The following MED13L variants were observed in gnomAD, a reference collection of about 807,000 sequenced individuals.
The protein encoded by MED13L is mediator of RNA polymerase II transcription subunit 13-like.
In MED13L, 7 loss-of-function variants were observed where a neutral mutation model predicts 220.9. The observed-to-expected ratio is 0.03, with a 90% confidence interval of 0.02 to 0.06. The LOEUF (loss-of-function observed/expected upper bound fraction) is 0.06, where lower values mean the gene tolerates loss of function less well. Ranked by LOEUF, MED13L falls within the 10% of genes least tolerant of loss-of-function variation. MED13L has a pLI of 1.00. For synonymous variants in MED13L, 1,011 were observed against 1,015.2 expected, an observed-to-expected ratio of 1.00 and a Z score of 0.08; for missense variants, 1,965 against 2,760.5, an observed-to-expected ratio of 0.71 and a Z score of 6.46.
intron 2 of MED13L, among the ~76,000 whole-genome samples, chr12:116,180,953 T>C (rs1398872756): frequency 6.9e-6 from 1 of 144,068 alleles, no homozygotes; most frequent in Non-Finnish European, 1.5e-5. Flanking sequence ...TTTTTTGAAA[T>C]GCAGTCTTGC....
At chr12:116,269,655 A>AAAAAC (rs1029132361) in intron 1 of MED13L, among the ~76,000 whole-genome samples, 2 of 152,164 alleles carry the variant, frequency 1.3e-5, no homozygotes, top group African/African-American at 4.8e-5. Context: ...AGACTGTCTC[A>AAAAAC]AAAACAAAAC....
At chr12:116,263,917 A>T (rs2138566852) in intron 1 of MED13L, among the ~76,000 whole-genome samples, 1 of 152,300 alleles carries the variant, frequency 6.6e-6, no homozygotes. Flanking sequence ...AAGCTGTATG[A>T]AAACAAAGTA....
chr12:115,965,983 A>C, intron 29 of MED13L, 99 bp downstream of exon 29: 5 of 1,412,690 alleles, frequency 3.5e-6, no homozygotes. Flanking sequence ...AAGGAACAGA[A>C]TAAGATTATG....
chr12:116,192,859 G>A (rs1043263375), intron 2 of MED13L, among the ~76,000 whole-genome samples: 23 of 151,876 alleles, frequency 1.5e-4, no homozygotes, highest in African/African-American at 5.1e-4. Context: ...TGGGCCGGGC[G>A]CCATGGCTCA....
chr12:116,191,371 C>T (rs1315156041), intron 2 of MED13L, among the ~76,000 whole-genome samples: 1 of 152,102 alleles, frequency 6.6e-6, no homozygotes, highest in Non-Finnish European at 1.5e-5. Flanking sequence ...CACTCTGTCA[C>T]CCAGGCTGGA....
Position 115,987,257 on chromosome 12 carries a change from A to G in MED13L, c.3966T>C (p.Asp1322=). ...VLDISMLSSQ[D]VVRMLLSLQP... ...GCAGGGACAACAGCATACGAACCACATCCTGGGAGGAGAGCATGCTGATGT... is the reference window on the plus strand; with the variant it reads ...GCAGGGACAACAGCATACGAACCACGTCCTGGGAGGAGAGCATGCTGATGT... Residue 1322 remains aspartate, a synonymous_variant, in exon 18 of 31, where the codon GAT becomes GAC. Coordinates refer to ENST00000281928, the MANE Select transcript of MED13L (RefSeq NM_015335.5). The G allele has an allele frequency of 6.2e-7, 1 of 1,613,582 alleles. No homozygotes were observed. Among genetic ancestry groups the G allele is most frequent in the Non-Finnish European group, 8.5e-7 (1 of 1,180,002 alleles).
At chr12:116,247,302 T>C (rs1871182792) in intron 1 of MED13L, among the ~76,000 whole-genome samples, 1 of 152,082 alleles carries the variant, frequency 6.6e-6, no homozygotes, top group Admixed American at 6.5e-5. Context: ...AAGCTACTAA[T>C]ATTGAGAACT....
chr12:116,052,768 G>T (rs765391165), intron 4 of MED13L, among the ~76,000 whole-genome samples: 1 of 152,210 alleles, frequency 6.6e-6, no homozygotes, highest in Non-Finnish European at 1.5e-5. Flanking sequence ...ACTGGGAAGA[G>T]GAAGCAGGGG....
At chr12:116,259,640 T>C (rs1872348098) in intron 1 of MED13L, among the ~76,000 whole-genome samples, 1 of 152,232 alleles carries the variant, frequency 6.6e-6, no homozygotes, top group South Asian at 2.1e-4. Context: ...CATTGTACCA[T>C]GAATCTTTCT....
rs34196219 is a variant in MED13L at position 116,165,259 on chromosome 12, CTTTTTTTTTTTTTT to C, written c.311-53761_311-53748del. Reference sequence around the variant, plus strand: ...TTAAGGCAATGAAGTAGGCACCATCCTTTTTTTTTTTTTTTTTTTTTTTTTTTTGACTACTAGAC... The same window carrying C: ...TTAAGGCAATGAAGTAGGCACCATCCTTTTTTTTTTTTTTGACTACTAGAC... On this transcript the variant is annotated intron_variant, in intron 2 of 30. Coordinates refer to ENST00000281928, the MANE Select transcript of MED13L (RefSeq NM_015335.5). 2.6e-3 allele frequency among the ~76,000 whole-genome samples: 196 copies of C among 74,508 alleles called. 2 individuals are homozygous for C. Among genetic ancestry groups the C allele is most frequent in the African/African-American group, 0.011 (182 of 16,956 alleles). The allele number at this position is 74,508 out of a possible 152,430, so 48.9% of individuals were successfully genotyped here. A position where few individuals can be genotyped will look rare whatever the true frequency, so the allele number is the denominator to read the frequency against.
At chr12:116,059,160 C>G (rs1449985336) in intron 4 of MED13L, among the ~76,000 whole-genome samples, 1 of 152,146 alleles carries the variant, frequency 6.6e-6, no homozygotes, top group Non-Finnish European at 1.5e-5. Flanking sequence ...CTCAACTTCC[C>G]AGACTCAAGC....
At position 116,226,571 on chromosome 12, in the gene MED13L, A is replaced by G. The variant is rs568289456; in HGVS notation, c.310+10897T>C. Among the ~76,000 whole-genome samples, 146 of 152,330 alleles carry G rather than the reference A, an allele frequency of 9.6e-4. 1 individual carries two copies. Among genetic ancestry groups the G allele is most frequent in the African/African-American group, 3.4e-3 (143 of 41,582 alleles). ...AGAATCCAATTTCATGATGTTCTATACTTAAAACAGATTTCGGCCAGGAGT... is the reference window on the plus strand; with the variant it reads ...AGAATCCAATTTCATGATGTTCTATGCTTAAAACAGATTTCGGCCAGGAGT... On this transcript the variant is annotated intron_variant, in intron 2 of 30. Coordinates refer to ENST00000281928, the MANE Select transcript of MED13L (RefSeq NM_015335.5).
intron 1 of MED13L, among the ~76,000 whole-genome samples, chr12:116,274,777 C>G (rs1239112757): frequency 6.6e-6 from 1 of 151,850 alleles, no homozygotes; most frequent in Non-Finnish European, 1.5e-5. Flanking sequence ...CTATGGTTCT[C>G]TAGTTCAAAG....
At chr12:116,111,535 A>T (rs1874085533) in intron 2 of MED13L, 23 bp from the exon 3 acceptor site, 1 of 1,571,344 alleles carries the variant, frequency 6.4e-7, no homozygotes, top group Non-Finnish European at 8.7e-7. Context: ...AGAAAAAAGA[A>T]AAAAAAAGAA....
intron 2 of MED13L, among the ~76,000 whole-genome samples, chr12:116,144,135 C>A (rs1429725497): frequency 6.6e-6 from 1 of 152,148 alleles, no homozygotes; most frequent in Non-Finnish European, 1.5e-5. Context: ...ATTTCACTGC[C>A]CCAACAGCTT....
chr12:116,009,982 G>A (rs868326642), intron 9 of MED13L, among the ~76,000 whole-genome samples: 4 of 152,142 alleles, frequency 2.6e-5, no homozygotes, highest in South Asian at 2.1e-4. Context: ...GTCTCCTGCC[G>A]GTGTAGTAGT....
intron 1 of MED13L, among the ~76,000 whole-genome samples, chr12:116,251,142 A>G (rs901140426): frequency 6.6e-6 from 1 of 151,426 alleles, no homozygotes; most frequent in African/African-American, 2.4e-5. Context: ...TTTAAAAAAA[A>G]AAAAGGCAGA....
chr12:116,141,906 AC>A (rs1306533804), intron 2 of MED13L, among the ~76,000 whole-genome samples: 1 of 151,570 alleles, frequency 6.6e-6, no homozygotes, highest in Non-Finnish European at 1.5e-5. Flanking sequence ...TGTCCCCCAC[AC>A]CCTACCCCAG....
chr12:116,167,167 A>G (rs1210575345), intron 2 of MED13L, among the ~76,000 whole-genome samples: 1 of 152,212 alleles, frequency 6.6e-6, no homozygotes, highest in East Asian at 1.9e-4. Flanking sequence ...AACCTCAGGC[A>G]GAAAAGAAAC....
Sources: gnomAD v4.1 joint callset for allele counts (sites outside exome capture counted in the v4.1 genomes callset) on GRCh38, gnomAD v4.1.1 for gene constraint, MANE v1.5 for transcripts, NCBI Gene and HGNC (gene_info 2026-07-23, HGNC 2026-07-21) for gene names.